The following ARNT2 variants were observed in gnomAD, a reference collection of about 807,000 sequenced individuals.
ARNT2 encodes the protein ARNT protein 2.
A neutral mutation model predicts 91.7 loss-of-function variants in ARNT2; 36 were observed. The ratio of observed to expected loss-of-function variants is 0.39; its 90% CI spans 0.30 to 0.52. The LOEUF (loss-of-function observed/expected upper bound fraction) is 0.52, where lower values mean the gene tolerates loss of function less well. Ranked by LOEUF, ARNT2 falls within the 20% of genes least tolerant of loss-of-function variation. The pLI, the probability that ARNT2 is intolerant of heterozygous loss-of-function variation, is 0.72. For synonymous variants in ARNT2, 365 were observed against 347.1 expected, an observed-to-expected ratio of 1.05 and a Z score of -0.57; for missense variants, 775 against 939.3, an observed-to-expected ratio of 0.83 and a Z score of 2.29.
rs551186046 is a variant in ARNT2, at chr15:80,504,885, G to A, written c.623-3271G>A. Among the ~76,000 whole-genome samples the A allele has an allele frequency of 3.2e-4, 49 of 152,270 alleles. No homozygotes were observed. In the South Asian group the frequency reaches 8.1e-3, roughly 25 times the overall value. ...ACACTGGGGAGCTGTGAGTCCTTCCGGGCAGCAGCAGGGGCCTGCGTGGAG... is the reference window on the plus strand; with the variant it reads ...ACACTGGGGAGCTGTGAGTCCTTCCAGGCAGCAGCAGGGGCCTGCGTGGAG... On this transcript the variant is annotated intron_variant, in intron 5 of 18. Coordinates refer to ENST00000303329, the MANE Select transcript of ARNT2 (RefSeq NM_014862.4).
chr15:80,404,564 C>CCCCGCCG lies in ARNT2; in HGVS notation c.31+27_31+33dup, dbSNP rs1291136443. 4 of 1,102,984 alleles carry CCCCGCCG rather than the reference C, an allele frequency of 3.6e-6. No homozygotes were observed. Among genetic ancestry groups the CCCCGCCG allele is most frequent in the Non-Finnish European group, 3.3e-6 (3 of 899,960 alleles). 68.3% of individuals were successfully genotyped at this position (1,102,984 alleles called of 1,614,324 possible). On this transcript the variant is annotated intron_variant, in intron 1 of 18. Transcript: ENST00000303329. This position sits in a 1 kb window ranked among gnomAD's most constrained non-coding sequence, Gnocchi z 5.5. ...CCCTCCGGGTGAGTAGCGGCCTGGG[C>CCCCGCCG]CCCGCCGCCCGCCGCAGCCCGCAGG...
At chr15:80,470,761 T>G (rs1309906145) in intron 4 of ARNT2, among the ~76,000 whole-genome samples, 3 of 152,168 alleles carry the variant, frequency 2.0e-5, no homozygotes, top group Non-Finnish European at 4.4e-5. Context: ...CCTATGAAAG[T>G]GATGGTATAT....
In ARNT2 at chr15:80,490,266, G is replaced by A. The variant is rs538219034; in HGVS notation, c.622+15043G>A. On this transcript the variant is annotated intron_variant, in intron 5 of 18. Transcript: ENST00000303329. ...AGTCCCTCTTTGAGGCAAGGGTGTG[G>A]GGTTTTGCAGTCCCTCTTTGAGGCA... 8.5e-5 allele frequency among the ~76,000 whole-genome samples: 13 copies of A among 152,256 alleles called. No homozygotes were observed. The South Asian group carries it at 2.7e-3, about 32-fold the overall frequency.
At chr15:80,420,403 C>G (rs1454156148) in intron 1 of ARNT2, among the ~76,000 whole-genome samples, 2 of 152,064 alleles carry the variant, frequency 1.3e-5, no homozygotes, top group Admixed American at 6.5e-5. Flanking sequence ...TGTTTAGTGT[C>G]TCATGTAATT....
intron 1 of ARNT2, among the ~76,000 whole-genome samples, chr15:80,407,558 C>T (rs1895618425): frequency 6.6e-6 from 1 of 152,168 alleles, no homozygotes; most frequent in Admixed American, 6.5e-5. Context: ...TCCTGTGGCC[C>T]CTGGTGCCTC....
chr15:80,446,354 G>A (rs1183327535), intron 1 of ARNT2, among the ~76,000 whole-genome samples: 4 of 152,154 alleles, frequency 2.6e-5, no homozygotes, highest in Non-Finnish European at 4.4e-5. Context: ...ATCTTATAGA[G>A]GGGGAGACTG....
Position 80,555,383 on chromosome 15 carries a change from C to T in ARNT2, c.1164+244C>T, listed in dbSNP as rs1414298908. 1.9e-5 allele frequency: 9 copies of T among 476,080 alleles called. 1 individual carries two copies. In the South Asian group the frequency reaches 1.9e-4, roughly 10 times the overall value. The allele number at this position is 476,080 out of a possible 1,614,324, so 29.5% of individuals were successfully genotyped here. A position where few individuals can be genotyped will look rare whatever the true frequency, so the allele number is the denominator to read the frequency against. On this transcript the variant is annotated intron_variant, in intron 11 of 18. Coordinates refer to ENST00000303329, the MANE Select transcript of ARNT2 (RefSeq NM_014862.4). Reference sequence around the variant, plus strand: ...TCATGAAGAAAAACATTGCAGAGCACAGAGGCTGGAGAGGTTAACTGCATG... The same window carrying T: ...TCATGAAGAAAAACATTGCAGAGCATAGAGGCTGGAGAGGTTAACTGCATG...
chr15:80,558,124 C>T (rs1898233083), intron 11 of ARNT2, among the ~76,000 whole-genome samples: 1 of 152,120 alleles, frequency 6.6e-6, no homozygotes, highest in South Asian at 2.1e-4. Context: ...ACATTACTGA[C>T]ATCTTATCCT....
chr15:80,551,280 GA>G lies in ARNT2; in HGVS notation c.954+11del, dbSNP rs1213277965. On this transcript the variant is annotated splice_donor_region_variant and intron_variant, in intron 9 of 18. Transcript: ENST00000303329. ...GTGGCAATTGGGAGACTCCAGGTAAGAAAAAATTCGTAGCCTTTTTAATCTT... is the reference window on the plus strand; with the variant it reads ...GTGGCAATTGGGAGACTCCAGGTAAGAAAAATTCGTAGCCTTTTTAATCTT... 1.9e-6 allele frequency: 3 copies of G among 1,612,174 alleles called. No individual in the cohort carries two copies. Among genetic ancestry groups the G allele is most frequent in the Non-Finnish European group, 2.5e-6 (3 of 1,178,544 alleles).
chr15:80,514,851 A>G (rs1266780912), intron 8 of ARNT2, among the ~76,000 whole-genome samples: 2 of 152,190 alleles, frequency 1.3e-5, no homozygotes, highest in Non-Finnish European at 2.9e-5. Flanking sequence ...TCGCCACTGT[A>G]TTCCAGCCTG....
intron 1 of ARNT2, among the ~76,000 whole-genome samples, chr15:80,419,938 A>C (rs1895838186): frequency 6.6e-6 from 1 of 152,146 alleles, no homozygotes; most frequent in Non-Finnish European, 1.5e-5. Context: ...GAGCCTGAAG[A>C]GCCTTGGAGG....
chr15:80,455,967 G>T (rs1192699274), intron 2 of ARNT2, among the ~76,000 whole-genome samples: 4 of 152,098 alleles, frequency 2.6e-5, no homozygotes, highest in African/African-American at 4.8e-5. Flanking sequence ...CGGCAAAATC[G>T]CTCTTCCCCA....
chr15:80,505,448 G>T (rs1897260270), intron 5 of ARNT2, among the ~76,000 whole-genome samples: 1 of 152,180 alleles, frequency 6.6e-6, no homozygotes, highest in Non-Finnish European at 1.5e-5. Context: ...TGGAATATTG[G>T]TGACTGATCA....
intron 1 of ARNT2, among the ~76,000 whole-genome samples, chr15:80,437,159 A>G (rs1896100083): frequency 6.6e-6 from 1 of 152,034 alleles, no homozygotes; most frequent in African/African-American, 2.4e-5. Context: ...CTTTGTGGAG[A>G]GAAGTGGGCC....
At chr15:80,414,163 C>T (rs927595329) in intron 1 of ARNT2, among the ~76,000 whole-genome samples, 14 of 152,212 alleles carry the variant, frequency 9.2e-5, no homozygotes, top group African/African-American at 3.4e-4. Context: ...AGAGGCCAAA[C>T]GTGTATCCAC....
rs577014840 is a variant in ARNT2 at position 80,589,286 on chromosome 15, A to G, written c.1919-2282A>G. ...TGGGCACTCTTCAAATGCCTATTGGATGGGGCCTGGCAGTAGAGTAATTGC... is the reference window on the plus strand; with the variant it reads ...TGGGCACTCTTCAAATGCCTATTGGGTGGGGCCTGGCAGTAGAGTAATTGC... On this transcript the variant is annotated intron_variant, in intron 17 of 18. Coordinates refer to ENST00000303329, the MANE Select transcript of ARNT2 (RefSeq NM_014862.4). Among the ~76,000 whole-genome samples, 13 of 149,278 alleles carry G rather than the reference A, an allele frequency of 8.7e-5. No homozygotes were observed. The South Asian group carries it at 2.9e-3, about 33-fold the overall frequency.
intron 4 of ARNT2, among the ~76,000 whole-genome samples, chr15:80,474,355 A>G (rs1437494616): frequency 6.6e-6 from 1 of 152,202 alleles, no homozygotes; most frequent in Non-Finnish European, 1.5e-5. Flanking sequence ...ATAATGCTGT[A>G]TTCCCTGCTG....
At chr15:80,479,973 T>A (rs1566983559) in intron 5 of ARNT2, among the ~76,000 whole-genome samples, 1 of 152,050 alleles carries the variant, frequency 6.6e-6, no homozygotes, top group East Asian at 1.9e-4. Context: ...AGGCAGGCAC[T>A]GGCTGGCTCA....
chr15:80,470,437 C>G lies in ARNT2; in HGVS notation c.408+6C>G. On this transcript the variant is annotated splice_donor_region_variant and intron_variant, in intron 4 of 18. Coordinates refer to ENST00000303329, the MANE Select transcript of ARNT2 (RefSeq NM_014862.4). ...CTTCCTTCCTCACAGAGCAGGTACC[C>G]TGGTCATCACATCACCATTGGAAAG... The G allele has an allele frequency of 6.2e-7, 1 of 1,613,676 alleles. No homozygotes were observed.
Sources: gnomAD v4.1 joint callset for allele counts (sites outside exome capture counted in the v4.1 genomes callset) on GRCh38, gnomAD v4.1.1 for gene constraint, Gnocchi (gnomAD v3.1) non-coding constraint, MANE v1.5 for transcripts, NCBI Gene and HGNC (gene_info 2026-07-23, HGNC 2026-07-21) for gene names.